Variants in GUCY2C observed in about 807,000 individuals in gnomAD.
GUCY2C encodes the protein guanylyl cyclase C.
A neutral mutation model predicts 131.1 loss-of-function variants in GUCY2C; 118 were observed. That is an observed-to-expected ratio of 0.90 (90% CI 0.78 to 1.05). The LOEUF (loss-of-function observed/expected upper bound fraction) is 1.05. Among genes scored for constraint, GUCY2C ranks in the 50% least tolerant of loss-of-function variants. The probability of loss-of-function intolerance (pLI) is 0.00; values close to 1 mark genes in which losing one functional copy is unlikely to be tolerated. For synonymous variants in GUCY2C, 452 were observed against 457.8 expected (o/e 0.99, Z 0.16); for missense variants, 1,161 against 1,304.4 (o/e 0.89, Z 1.69).
intron 1 of GUCY2C, among the ~76,000 whole-genome samples, chr12:14,695,472 G>A (rs1193369629): frequency 6.6e-6 from 1 of 151,816 alleles, no homozygotes; most frequent in Admixed American, 6.6e-5. Context: ...ATGGTGGTGG[G>A]CACCTGTAGT....
At chr12:14,628,038 A>G (rs180874726) in intron 20 of GUCY2C, among the ~76,000 whole-genome samples, 1 of 152,332 alleles carries the variant, frequency 6.6e-6, no homozygotes, top group Admixed American at 6.5e-5. Flanking sequence ...GTTTTGCCCA[A>G]TGCCCCACAG....
chr12:14,675,470 T>C (rs1180445462), intron 7 of GUCY2C, among the ~76,000 whole-genome samples: 9 of 152,194 alleles, frequency 5.9e-5, no homozygotes, highest in Admixed American at 5.2e-4. Context: ...TGATTGTTTT[T>C]ATTAAAGTGC....
chr12:14,650,173 A>G (rs1341728407), intron 15 of GUCY2C, among the ~76,000 whole-genome samples: 3 of 152,188 alleles, frequency 2.0e-5, no homozygotes, highest in African/African-American at 7.2e-5. Flanking sequence ...TTGATATTTA[A>G]TAGTTTCCTT....
intron 18 of GUCY2C, among the ~76,000 whole-genome samples, chr12:14,640,651 C>T (rs1460819165): frequency 6.6e-6 from 1 of 152,074 alleles, no homozygotes; most frequent in Non-Finnish European, 1.5e-5. Flanking sequence ...AATAAATGCT[C>T]AGTAAGTGAG....
chr12:14,692,585 C>T lies in GUCY2C; in HGVS notation c.217+3647G>A, dbSNP rs59925982. Among the ~76,000 whole-genome samples, 831 of 152,290 alleles carry T rather than the reference C, an allele frequency of 5.5e-3. 6 individuals are homozygous for T. Among genetic ancestry groups the T allele is most frequent in the African/African-American group, 0.015 (604 of 41,560 alleles). ...GTCCTAGGCCAGGTGCGGTGGCTCA[C>T]GCCTATAATCCCAGCACTTTGGGAG... On this transcript the variant is annotated intron_variant, in intron 1 of 26. Transcript: ENST00000261170.
Position 14,687,963 on chromosome 12 carries a change from G to A in GUCY2C, c.318C>T (p.Leu106=). The change falls in exon 2 of 27, where the codon CTC becomes CTT. Residue 106 remains leucine, a synonymous_variant. Coordinates refer to ENST00000261170, the MANE Select transcript of GUCY2C (RefSeq NM_004963.4). ...RSSTCEGLDL[L]RKISNAQRMG... ...AGCAAATACTTACTGAAATTTTCCT[G>A]AGTAGGTCGAGGCCTTCACAGGTGC... 2 of 1,602,012 alleles carry A rather than the reference G, an allele frequency of 1.2e-6. No individual in the cohort carries two copies. Among genetic ancestry groups the A allele is most frequent in the Non-Finnish European group, 1.7e-6 (2 of 1,169,024 alleles).
chr12:14,639,188 C>T (rs1947343389), intron 19 of GUCY2C, among the ~76,000 whole-genome samples: 1 of 151,220 alleles, frequency 6.6e-6, no homozygotes, highest in African/African-American at 2.4e-5. Flanking sequence ...GTCCCAGCTA[C>T]TCAGGAGGCC....
chr12:14,637,353 T>C (rs1475774419), intron 19 of GUCY2C, among the ~76,000 whole-genome samples: 1 of 152,078 alleles, frequency 6.6e-6, no homozygotes, highest in African/African-American at 2.4e-5. Flanking sequence ...ACTAAAATGA[T>C]TATACTGCCC....
chr12:14,647,321 T>C (rs906556432), intron 15 of GUCY2C, among the ~76,000 whole-genome samples: 3 of 152,182 alleles, frequency 2.0e-5, no homozygotes, highest in Admixed American at 6.5e-5. Flanking sequence ...TGCTCATATA[T>C]ATATGTGTGT....
In GUCY2C at chr12:14,672,733, C is replaced by A. The variant is rs779680409; in HGVS notation, c.1170+140G>T. 49 of 616,154 alleles carry A rather than the reference C, an allele frequency of 8.0e-5. 1 individual carries two copies. Among genetic ancestry groups the A allele is most frequent in the Admixed American group, 4.3e-4 (16 of 37,244 alleles). 38.2% of individuals were successfully genotyped at this position (616,154 alleles called of 1,614,324 possible). A position where few individuals can be genotyped will look rare whatever the true frequency, so the allele number is the denominator to read the frequency against. ...TTAAGGAATACTACCCTAAGTGGGG[C>A]GTAATTGTGAAGTTGAAATGAACTG... On this transcript the variant is annotated intron_variant, in intron 9 of 26. Coordinates refer to ENST00000261170, the MANE Select transcript of GUCY2C (RefSeq NM_004963.4).
intron 19 of GUCY2C, among the ~76,000 whole-genome samples, chr12:14,631,927 C>G (rs1947154682): frequency 6.7e-6 from 1 of 150,260 alleles, no homozygotes. Context: ...GCCATTCTAA[C>G]TGGTGTGAGA....
intron 23 of GUCY2C, among the ~76,000 whole-genome samples, chr12:14,620,163 G>T (rs1946863024): frequency 6.6e-6 from 1 of 152,170 alleles, no homozygotes; most frequent in Middle Eastern, 3.2e-3. Flanking sequence ...GCCTGAGGCT[G>T]CCTCTTAGGG....
rs543214139 is a variant in GUCY2C at position 14,625,855 on chromosome 12, T to C, written c.2310A>G (p.Leu770=). 14 of 1,613,556 alleles carry C rather than the reference T, an allele frequency of 8.7e-6. No homozygotes were observed. The highest frequency in any genetic ancestry group is 1.2e-5 in the Non-Finnish European group (14 of 1,179,608). ...YMDTLIRRLQ[L]YSRNLEHLVE... ...CCAGATGTTCCAGGTTTCGAGAATA[T>C]AGCTGTAGACGTCGGATCAAGGTAT... Residue 770 remains leucine, a synonymous_variant, in exon 21 of 27, where the codon CTA becomes CTG. Transcript: ENST00000261170.
At chr12:14,676,735 G>A (rs890549665) in intron 7 of GUCY2C, 119 bp downstream of exon 7, 1 of 291,918 alleles carries the variant, frequency 3.4e-6, no homozygotes, top group Non-Finnish European at 6.5e-6. Flanking sequence ...ATGAATTAGA[G>A]CAAGTAAAAA....
At chr12:14,623,239 A>G (rs1231214448) in intron 21 of GUCY2C, among the ~76,000 whole-genome samples, 1 of 152,108 alleles carries the variant, frequency 6.6e-6, no homozygotes, top group Non-Finnish European at 1.5e-5. Context: ...TCCCTGCACA[A>G]CCCAGGCCTT....
At chr12:14,618,937 T>G (rs1565603802) in intron 24 of GUCY2C, among the ~76,000 whole-genome samples, 1 of 152,152 alleles carries the variant, frequency 6.6e-6, no homozygotes, top group African/African-American at 2.4e-5. Flanking sequence ...CTATTCTAAG[T>G]AGAATATCCC....
At chr12:14,635,949 G>A (rs1233029521) in intron 19 of GUCY2C, among the ~76,000 whole-genome samples, 1 of 152,114 alleles carries the variant, frequency 6.6e-6, no homozygotes, top group Non-Finnish European at 1.5e-5. Context: ...CCAACAATGA[G>A]TAATGAGACT....
intron 22 of GUCY2C, 112 bp downstream of exon 22, chr12:14,621,893 A>G: frequency 1.5e-6 from 1 of 674,200 alleles, no homozygotes; most frequent in South Asian, 2.2e-5. Flanking sequence ...CCACCAATTC[A>G]CTAAATGTGA....
At chr12:14,673,123 C>T (rs1395662787) in intron 8 of GUCY2C, among the ~76,000 whole-genome samples, 165 bp from the exon 9 acceptor site, 1 of 152,164 alleles carries the variant, frequency 6.6e-6, no homozygotes, top group Admixed American at 6.5e-5. Context: ...GGATTGGCTT[C>T]TTAGCCCAGA....
Sources: allele counts gnomAD v4.1 joint callset (sites outside exome capture counted in the v4.1 genomes callset), GRCh38; gene constraint gnomAD v4.1.1; transcripts MANE v1.5; gene names NCBI Gene and HGNC (gene_info 2026-07-23, HGNC 2026-07-21).